The following MPST variants were observed in gnomAD, a reference collection of about 807,000 sequenced individuals.
The protein encoded by MPST is 3-mercaptopyruvate sulfurtransferase.
Under a neutral mutation model 28.5 loss-of-function variants are expected in MPST, and 27 were observed. The ratio of observed to expected loss-of-function variants is 0.95; its 90% confidence interval spans 0.70 to 1.31. MPST has a LOEUF of 1.31. Among genes scored for constraint, MPST ranks in the 50% most tolerant of loss-of-function variants. The pLI is 0.00. For missense variants in MPST, 492 were observed against 471.1 expected, an observed-to-expected ratio of 1.04 and a Z score of -0.41; for synonymous variants, 204 against 209.3, an observed-to-expected ratio of 0.97 and a Z score of 0.22.
Position 37,029,551 on chromosome 22 carries a change from GC to G in MPST, c.*39del. On this transcript the variant is annotated 3_prime_UTR_variant, in exon 3 of 3. Coordinates refer to ENST00000429360, the MANE Select transcript of MPST (RefSeq NM_021126.8). Reference sequence around the variant, plus strand: ...ACACAGGCGAGCTCAGGTGATGCCGGCCACCAGCAATGCCTGGCCTGGTAGC... The same window carrying G: ...ACACAGGCGAGCTCAGGTGATGCCGGCACCAGCAATGCCTGGCCTGGTAGC... The G allele has an allele frequency of 2.6e-6, 4 of 1,547,158 alleles. No homozygotes were observed. The highest frequency in any genetic ancestry group is 1.4e-5 in the African/African-American group (1 of 73,094).
intron 2 of MPST, chr22:37,027,933 T>A (rs1030217410): frequency 2.0e-5 from 3 of 152,250 alleles, no homozygotes; most frequent in Non-Finnish European, 4.4e-5. Flanking sequence ...TGCCTGGGTT[T>A]ACTCCTCCCT....
intron 2 of MPST, chr22:37,027,350 C>CA (rs1923600418): frequency 6.6e-6 from 1 of 152,056 alleles, no homozygotes; most frequent in African/African-American, 2.4e-5. Flanking sequence ...GCAGTGAAAA[C>CA]AAAAAACACC....
intron 1 of MPST, among the ~76,000 whole-genome samples, chr22:37,021,745 G>A (rs892196113): frequency 2.0e-5 from 3 of 152,066 alleles, no homozygotes; most frequent in Admixed American, 6.5e-5. Context: ...TGCTGGGATT[G>A]CAGGTGTGAG....
At position 37,024,244 on chromosome 22, in the gene MPST, T is replaced by C; in HGVS notation, c.89T>C (p.Leu30Pro). 1 of 1,422,910 alleles carries C rather than the reference T, an allele frequency of 7.0e-7. No homozygotes were observed. The highest frequency in any genetic ancestry group is 9.1e-7 in the Non-Finnish European group (1 of 1,098,328). The allele number at this position is 1,422,910 out of a possible 1,614,324, so 88.1% of individuals were successfully genotyped here. ...GCTTCGCCGCAGCTCTGCCGCGCGCTGGTGTCGGCGCAATGGGTGGCGGAG... is the reference window on the plus strand; with the variant it reads ...GCTTCGCCGCAGCTCTGCCGCGCGCCGGTGTCGGCGCAATGGGTGGCGGAG... ...AMASPQLCRA[L>P]VSAQWVAEAL... The change falls in exon 2 of 3, where the codon CTG becomes CCG. Residue 30 changes from leucine (L) to proline (P), a missense_variant. Physicochemically the swap from Leu to Pro is moderately conservative, Grantham distance 98 (BLOSUM62 -3). Coordinates refer to ENST00000429360, the MANE Select transcript of MPST (RefSeq NM_021126.8).
chr22:37,024,903 A>G (rs764867533), intron 2 of MPST, 93 bp downstream of exon 2: 1 of 1,548,024 alleles, frequency 6.5e-7, no homozygotes. Context: ...TATTTTTTTA[A>G]TTTATCTTGC....
chr22:37,022,164 A>T (rs1923123208), intron 1 of MPST, among the ~76,000 whole-genome samples: 1 of 152,092 alleles, frequency 6.6e-6, no homozygotes, highest in African/African-American at 2.4e-5. Flanking sequence ...TAACGCAGAT[A>T]ATGGGGATCA....
intron 1 of MPST, chr22:37,023,099 C>CT (rs1923192866): frequency 6.5e-6 from 1 of 152,976 alleles, no homozygotes; most frequent in African/African-American, 2.4e-5. Flanking sequence ...GTTGCTGCTG[C>CT]TAGAAGGGCC....
chr22:37,024,809 C>T lies in MPST; in HGVS notation c.654C>T (p.Asp218=), dbSNP rs1263981316. 5.6e-6 allele frequency: 9 copies of T among 1,603,424 alleles called. No homozygotes were observed. Among genetic ancestry groups the T allele is most frequent in the East Asian group, 2.2e-5 (1 of 44,836 alleles). ...GCGGCACCGAGCCCGAGCCCCGAGA[C>T]GGTAACGCGGGGGAAGGGGGCAGGA... ...RFRGTEPEPR[D]GIEPGHIPGT... The change falls in exon 2 of 3, where the codon GAC becomes GAT. Residue 218 remains aspartate (D), a splice_region_variant and synonymous_variant. Transcript: ENST00000429360.
intron 2 of MPST, chr22:37,029,007 C>G (rs1923708200): frequency 1.7e-6 from 1 of 581,406 alleles, no homozygotes. Context: ...TCAGGTGGTA[C>G]TTAACCTCAG....
chr22:37,027,415 A>G (rs1923605555), intron 2 of MPST: 1 of 152,204 alleles, frequency 6.6e-6, no homozygotes, highest in African/African-American at 2.4e-5. Flanking sequence ...TGCTACAATC[A>G]AAATGATCGT....
chr22:37,023,055 A>T (rs1262009093), intron 1 of MPST: 1 of 152,878 alleles, frequency 6.5e-6, no homozygotes, highest in Non-Finnish European at 1.5e-5. Context: ...TGCAGGAAAG[A>T]TAGAGAGGAG....
chr22:37,025,263 G>A, intron 2 of MPST: 3 of 858,698 alleles, frequency 3.5e-6, no homozygotes, highest in Non-Finnish European at 3.1e-6. Context: ...TGCCCAAACA[G>A]CTCTCAATCC....
chr22:37,024,893 TA>T, intron 2 of MPST, 83 bp downstream of exon 2: 3 of 1,551,990 alleles, frequency 1.9e-6, no homozygotes, highest in East Asian at 2.4e-5. Flanking sequence ...ACCTTTCTTT[TA>T]TTTTTTTAAT....
At chr22:37,026,453 C>T (rs1029370283) in intron 2 of MPST, 1 of 152,142 alleles carries the variant, frequency 6.6e-6, no homozygotes, top group African/African-American at 2.4e-5. Flanking sequence ...GCCTAGCAGG[C>T]TTGTTGTCAA....
rs201718662 is a variant in MPST at position 37,024,470 on chromosome 22, C to A, written c.315C>A (p.Tyr105Ter). Residue 105 changes from tyrosine (Y) to a stop codon, truncating the protein, a stop_gained, in exon 2 of 3, where the codon TAC becomes TAA. Coordinates refer to ENST00000429360, the MANE Select transcript of MPST (RefSeq NM_021126.8). LOFTEE classifies it high-confidence loss of function. ...CCGGGGCCGAGCATTTCGCGGAGTA[C>A]GCAGGCCGCCTGGGCGTGGGCGCGG... ...MLPGAEHFAE[Y>*]AGRLGVGAAT... 1.8e-4 allele frequency: 276 copies of A among 1,556,722 alleles called. No individual in the cohort carries two copies. The highest frequency in any genetic ancestry group is 3.4e-4 in the Admixed American group (18 of 53,104).
At position 37,024,442 on chromosome 22, in the gene MPST, T is replaced by C; in HGVS notation, c.287T>C (p.Leu96Pro). ...CGCACCTCGCCCTACGACCACATGCTGCCCGGGGCCGAGCATTTCGCGGAG... is the reference window on the plus strand; with the variant it reads ...CGCACCTCGCCCTACGACCACATGCCGCCCGGGGCCGAGCATTTCGCGGAG... ...SDRTSPYDHM[L>P]PGAEHFAEYA... is the part of the protein sequence containing the mutation. The change falls in exon 2 of 3, where the codon CTG (leucine) becomes CCG (proline). Residue 96 changes from leucine to proline, a missense_variant. Leu to Pro is a moderately conservative substitution (Grantham distance 98, BLOSUM62 -3). Transcript: ENST00000429360. 6.5e-7 allele frequency: 1 copy of C among 1,545,000 alleles called. No individual in the cohort carries two copies. Among genetic ancestry groups the C allele is most frequent in the Non-Finnish European group, 8.7e-7 (1 of 1,143,464 alleles).
intron 1 of MPST, 40 bp downstream of exon 1, chr22:37,019,912 G>A: frequency 9.1e-7 from 1 of 1,099,732 alleles, no homozygotes; most frequent in Non-Finnish European, 1.2e-6. Context: ...TCTGGAGGGG[G>A]AGGGAGTGGC....
chr22:37,020,454 A>T (rs1045229345), intron 1 of MPST, among the ~76,000 whole-genome samples: 10 of 152,060 alleles, frequency 6.6e-5, no homozygotes, highest in Non-Finnish European at 1.5e-4. Context: ...CATGCTTTTT[A>T]AAAAATTGCC....
In MPST at chr22:37,024,232, T is replaced by C; in HGVS notation, c.77T>C (p.Leu26Pro). ...PSVAAMASPQ[L>P]CRALVSAQWV... ...GTCGCCGCCATGGCTTCGCCGCAGCTCTGCCGCGCGCTGGTGTCGGCGCAA... is the reference window on the plus strand; with the variant it reads ...GTCGCCGCCATGGCTTCGCCGCAGCCCTGCCGCGCGCTGGTGTCGGCGCAA... Residue 26 changes from leucine (L) to proline (P), a missense_variant, in exon 2 of 3, where the codon CTC becomes CCC. Leu to Pro is a moderately conservative substitution (Grantham distance 98, BLOSUM62 -3). Transcript: ENST00000429360. The C allele has an allele frequency of 1.4e-6, 2 of 1,400,044 alleles. No individual in the cohort carries two copies. Among genetic ancestry groups the C allele is most frequent in the Non-Finnish European group, 1.8e-6 (2 of 1,086,572 alleles). 86.7% of individuals were successfully genotyped at this position (1,400,044 alleles called of 1,614,324 possible). A position where few individuals can be genotyped will look rare whatever the true frequency, so the allele number is the denominator to read the frequency against.
Sources: allele counts gnomAD v4.1 joint callset (sites outside exome capture counted in the v4.1 genomes callset), GRCh38; gene constraint gnomAD v4.1.1; transcripts MANE v1.5; gene names NCBI Gene and HGNC (gene_info 2026-07-23, HGNC 2026-07-21).